SLC13A5: variants seen among roughly 807,000 people sequenced by gnomAD.
The protein encoded by SLC13A5 is solute carrier family 13 member 5.
In SLC13A5, 25 loss-of-function variants were observed where a neutral mutation model predicts 56.5. That is an observed-to-expected ratio of 0.44 (90% CI 0.32 to 0.62). SLC13A5 has a LOEUF of 0.62. Ranked by LOEUF, SLC13A5 falls within the 20% of genes least tolerant of loss-of-function variation. The pLI, the probability that SLC13A5 is intolerant of heterozygous loss-of-function variation, is 0.04. For missense variants in SLC13A5, 649 were observed against 737.8 expected (o/e 0.88, Z 1.39); for synonymous variants, 307 against 301.5 (o/e 1.02, Z -0.19).
intron 1 of SLC13A5, among the ~76,000 whole-genome samples, chr17:6,708,029 A>G (rs187232291): frequency 3.9e-4 from 59 of 152,170 alleles, no homozygotes; most frequent in East Asian, 5.8e-4. Context: ...CTGGAGTGCA[A>G]TGGCACAATC....
chr17:6,704,186 A>G, intron 3 of SLC13A5, 130 bp from the exon 4 acceptor site: 2 of 980,866 alleles, frequency 2.0e-6, no homozygotes, highest in South Asian at 1.4e-5. Flanking sequence ...AAGATCAGAT[A>G]TTGGAATAGG....
intron 1 of SLC13A5, among the ~76,000 whole-genome samples, chr17:6,710,067 G>T (rs1454794072): frequency 2.6e-5 from 4 of 152,220 alleles, no homozygotes; most frequent in Non-Finnish European, 5.9e-5. Flanking sequence ...GAACAGCAGC[G>T]TGACTGGAAG....
chr17:6,706,807 G>A, intron 2 of SLC13A5, 29 bp from the exon 3 acceptor site: 3 of 1,612,414 alleles, frequency 1.9e-6, no homozygotes, highest in Non-Finnish European at 2.5e-6. Context: ...GCCTCATCAG[G>A]ACTGTCCCTT....
rs1973195898 is a variant in SLC13A5, at chr17:6,684,815, AT to A, written c.*1391del. On this transcript the variant is annotated 3_prime_UTR_variant, in exon 12 of 12. Transcript: ENST00000433363. ...GAACCAGACACATACTCGGTCCTTG[AT>A]GGGGTTTCCTGAGGCTCTCATACTT... 3 of 152,316 alleles carry A rather than the reference AT, an allele frequency of 2.0e-5. No homozygotes were observed. Among genetic ancestry groups the A allele is most frequent in the East Asian group, 3.9e-4 (2 of 5,184 alleles). 9.4% of individuals were successfully genotyped at this position (152,316 alleles called of 1,614,324 possible). A position where few individuals can be genotyped will look rare whatever the true frequency, so the allele number is the denominator to read the frequency against.
chr17:6,695,165 G>C (rs1973524333), intron 7 of SLC13A5, among the ~76,000 whole-genome samples: 1 of 152,202 alleles, frequency 6.6e-6, no homozygotes, highest in African/African-American at 2.4e-5. Flanking sequence ...TTTCTGCTCA[G>C]CCTACTCAGG....
chr17:6,692,033 G>T lies in SLC13A5; in HGVS notation c.1275+1011C>A, dbSNP rs73976239. 6.6e-6 allele frequency among the ~76,000 whole-genome samples: 1 copy of T among 152,096 alleles called. No homozygotes were observed. Among genetic ancestry groups the T allele is most frequent in the Admixed American group, 6.5e-5 (1 of 15,268 alleles). ...CTCCCTAGTCTGTGAAGTCTGCCAC[G>T]AACAGGGACCGTATCTCAATCTCCT... On this transcript the variant is annotated intron_variant, in intron 9 of 11. Transcript: ENST00000433363. The surrounding 1 kb of genome is among the most constrained non-coding windows in gnomAD (Gnocchi z 5.5).
intron 1 of SLC13A5, among the ~76,000 whole-genome samples, chr17:6,707,976 T>TTG (rs201736277): frequency 3.1e-5 from 4 of 130,406 alleles, no homozygotes; most frequent in Non-Finnish European, 6.5e-5. Flanking sequence ...TCAGTATTTT[T>TTG]TGTGTGTGTG....
chr17:6,693,812 T>C (rs142249909), intron 8 of SLC13A5, among the ~76,000 whole-genome samples: 2 of 152,362 alleles, frequency 1.3e-5, no homozygotes, highest in East Asian at 3.9e-4. Context: ...CAAAAAATTG[T>C]GCTGAATGGA....
At chr17:6,696,773 A>C (rs1009373327) in intron 6 of SLC13A5, among the ~76,000 whole-genome samples, 6 of 152,178 alleles carry the variant, frequency 3.9e-5, no homozygotes, top group Non-Finnish European at 1.5e-5. Context: ...AGGGGTGGGC[A>C]AGGCCAAGAG....
chr17:6,710,762 CTG>C lies in SLC13A5; in HGVS notation c.102+2468_102+2469del, dbSNP rs111949694. Among the ~76,000 whole-genome samples the C allele has an allele frequency of 1.2e-3, 178 of 148,004 alleles. 1 individual carries two copies. In the South Asian group the frequency reaches 0.013, roughly 11 times the overall value. The stretch of plus-strand genomic sequence containing the variant: ...AATGAAAAAATGCAGGCAAAACCTA[CTG>C]TGTGTGTGTGTGTGTGTGTGTGTCT... On this transcript the variant is annotated intron_variant, in intron 1 of 11. Transcript: ENST00000433363.
At chr17:6,703,510 G>A (rs950241977) in intron 4 of SLC13A5, among the ~76,000 whole-genome samples, 1 of 152,196 alleles carries the variant, frequency 6.6e-6, no homozygotes, top group African/African-American at 2.4e-5. Flanking sequence ...AGAGTGGAAG[G>A]ATTTGAGCTG....
rs755378873 is a variant in SLC13A5 at position 6,694,197 on chromosome 17, C to A, written c.1056G>T (p.Lys352Asn). The A allele has an allele frequency of 6.3e-7, 1 of 1,597,464 alleles. No individual in the cohort carries two copies. Residue 352 changes from lysine (K) to asparagine (N), a missense_variant and splice_region_variant, in exon 8 of 12, where the codon AAG becomes AAT. Physicochemically the swap from Lys to Asn is moderately conservative, Grantham distance 94. Coordinates refer to ENST00000433363, the MANE Select transcript of SLC13A5 (RefSeq NM_177550.5). ...LTVAWVEGETKYVSDATVAIF... is the reference protein window; with the variant it reads ...LTVAWVEGETNYVSDATVAIF... ...TGGCCACAGTGGCATCGGAGACATA[C>A]CTAGGTGGGGAAAAGCACAGCTCAT...
At position 6,687,804 on chromosome 17, in the gene SLC13A5, A is replaced by G. The variant is rs1326367305; in HGVS notation, c.1438-138T>C. 9.1e-7 allele frequency: 1 copy of G among 1,102,514 alleles called. No individual in the cohort carries two copies. The highest frequency in any genetic ancestry group is 1.2e-6 in the Non-Finnish European group (1 of 818,906). 68.3% of individuals were successfully genotyped at this position (1,102,514 alleles called of 1,614,324 possible). On this transcript the variant is annotated intron_variant, in intron 10 of 11. Coordinates refer to ENST00000433363, the MANE Select transcript of SLC13A5 (RefSeq NM_177550.5). This position sits in a 1 kb window ranked among gnomAD's most constrained non-coding sequence, Gnocchi z 5.0. ...AGTCTTGGTTCCTCTCCCTTTTGCC[A>G]CGTCTCTGGCAGATAATTCCACCTA...
chr17:6,707,974 TTTTG>T (rs1973915508), intron 1 of SLC13A5, among the ~76,000 whole-genome samples: 2 of 65,804 alleles, frequency 3.0e-5, no homozygotes, highest in African/African-American at 1.9e-4. Flanking sequence ...CATCAGTATT[TTTTG>T]TGTGTGTGTG....
chr17:6,708,742 A>T (rs989284417), intron 1 of SLC13A5, among the ~76,000 whole-genome samples: 1 of 152,216 alleles, frequency 6.6e-6, no homozygotes, highest in East Asian at 1.9e-4. Flanking sequence ...TCAGGGTACA[A>T]GGTGGAAACC....
chr17:6,709,468 C>T (rs1281592576), intron 1 of SLC13A5, among the ~76,000 whole-genome samples: 1 of 152,042 alleles, frequency 6.6e-6, no homozygotes, highest in African/African-American at 2.4e-5. Context: ...GGGGATTTCA[C>T]CATGTTGGCC....
At chr17:6,694,446 G>A (rs1457880922) in intron 7 of SLC13A5, among the ~76,000 whole-genome samples, 1 of 151,984 alleles carries the variant, frequency 6.6e-6, no homozygotes, top group Admixed American at 6.6e-5. Flanking sequence ...GTGAAACCCC[G>A]TCTCTACTAA....
chr17:6,691,750 C>G (rs1419025363), intron 9 of SLC13A5, among the ~76,000 whole-genome samples: 1 of 152,138 alleles, frequency 6.6e-6, no homozygotes, highest in Non-Finnish European at 1.5e-5. Context: ...CAAGCCCTGC[C>G]CAGCCCAGGC....
rs1384454210 is a variant in SLC13A5, at chr17:6,711,596, GTGTT to G, written c.102+1632_102+1635del. Among the ~76,000 whole-genome samples, 10 of 150,932 alleles carry G rather than the reference GTGTT, an allele frequency of 6.6e-5. No individual in the cohort carries two copies. The Middle Eastern group carries it at 0.01, about 154-fold the overall frequency. On this transcript the variant is annotated intron_variant, in intron 1 of 11. Transcript: ENST00000433363. This position sits in a 1 kb window ranked among gnomAD's most constrained non-coding sequence, Gnocchi z 4.0. ...TGTCTGTGTTTGTGTGTTTGGGTGT[GTGTT>G]TGTGCGTGTGTTTTTGTGTGTGTTT...
Sources: allele counts gnomAD v4.1 joint callset (sites outside exome capture counted in the v4.1 genomes callset), GRCh38; gene constraint gnomAD v4.1.1; non-coding constraint Gnocchi (gnomAD v3.1); transcripts MANE v1.5; gene names NCBI Gene and HGNC (gene_info 2026-07-23, HGNC 2026-07-21).